The following ZSCAN25 variants were observed in gnomAD, a reference collection of about 807,000 sequenced individuals.
ZSCAN25 encodes the protein zinc finger and SCAN domain containing 25.
ZSCAN25 carries 27 observed loss-of-function variants against 38.7 expected under a neutral mutation model. The ratio of observed to expected loss-of-function variants is 0.70; its 90% CI spans 0.51 to 0.96. The LOEUF is 0.96. Ranked by LOEUF, ZSCAN25 falls within the 40% of genes least tolerant of loss-of-function variation. ZSCAN25 has a pLI of 0.00. For synonymous variants in ZSCAN25, 273 were observed against 277.7 expected (o/e 0.98, Z 0.17); for missense variants, 637 against 705.9 (o/e 0.90, Z 1.11).
intron 6 of ZSCAN25, among the ~76,000 whole-genome samples, chr7:99,623,076 G>A (rs1400128760): frequency 6.6e-6 from 1 of 152,160 alleles, no homozygotes; most frequent in Non-Finnish European, 1.5e-5. Context: ...AAAGTGCTGG[G>A]ATTACAGGCA....
Position 99,631,858 on chromosome 7 carries a change from C to G in ZSCAN25, c.*1838C>G, listed in dbSNP as rs961925801. 3 of 985,326 alleles carry G rather than the reference C, an allele frequency of 3.0e-6. No homozygotes were observed. The highest frequency in any genetic ancestry group is 2.4e-6 in the Non-Finnish European group (2 of 829,976). The allele number at this position is 985,326 out of a possible 1,614,324, so 61.0% of individuals were successfully genotyped here. ...ATGTCCACACGGGGCTGCTGCTGCT[C>G]CTCTGTAATACTGAGGTCCACATGC... On this transcript the variant is annotated 3_prime_UTR_variant, in exon 8 of 8. Transcript: ENST00000394152.
the ZSCAN25 span, among the ~76,000 whole-genome samples, chr7:99,646,891 A>G: frequency 6.7e-6 from 1 of 150,150 alleles, no homozygotes; most frequent in Non-Finnish European, 1.5e-5. Flanking sequence ...TCTATCAACT[A>G]TCTATTATCT....
intron 7 of ZSCAN25, among the ~76,000 whole-genome samples, chr7:99,627,674 A>G (rs1423115018): frequency 6.6e-6 from 1 of 151,896 alleles, no homozygotes; most frequent in Non-Finnish European, 1.5e-5. Flanking sequence ...CTATATACGT[A>G]TATCATGTAT....
chr7:99,683,092 TC>T, the ZSCAN25 span, among the ~76,000 whole-genome samples: 1 of 152,230 alleles, frequency 6.6e-6, no homozygotes. Context: ...AAATATCATT[TC>T]CAAACATTAC....
the ZSCAN25 span, chr7:99,659,191 C>T: frequency 6.6e-6 from 1 of 152,272 alleles, no homozygotes; most frequent in East Asian, 1.9e-4. Flanking sequence ...TGCTGTTTTT[C>T]CCCCATCTTT....
chr7:99,625,386 T>C (rs1433158932), intron 7 of ZSCAN25, among the ~76,000 whole-genome samples: 1 of 152,132 alleles, frequency 6.6e-6, no homozygotes, highest in African/African-American at 2.4e-5. Context: ...TTCTGGTCAC[T>C]ATGAAGAGTT....
chr7:99,724,095 C>G, the ZSCAN25 span, among the ~76,000 whole-genome samples: 7 of 152,150 alleles, frequency 4.6e-5, no homozygotes, highest in African/African-American at 1.2e-4. Flanking sequence ...GTACCATCTC[C>G]CCTCTCTCCA....
chr7:99,703,782 A>G, the ZSCAN25 span, among the ~76,000 whole-genome samples: 2 of 151,954 alleles, frequency 1.3e-5, no homozygotes, highest in East Asian at 1.9e-4. Context: ...CTGACCTCAC[A>G]TGGGTTCTCC....
At chr7:99,682,796 C>G in the ZSCAN25 span, among the ~76,000 whole-genome samples, 1 of 152,054 alleles carries the variant, frequency 6.6e-6, no homozygotes, top group Admixed American at 6.6e-5. Context: ...TCTTCAATTT[C>G]CTTCATCAGT....
At chr7:99,634,518 G>A (rs140605812), downstream of ZSCAN25, among the ~76,000 whole-genome samples, 188 of 152,262 alleles carry the variant, frequency 1.2e-3, 4 homozygotes, top group East Asian at 0.035. Context: ...GGCCAGGCGC[G>A]GTGGCTCACG....
the ZSCAN25 span, among the ~76,000 whole-genome samples, chr7:99,718,800 G>T: frequency 0.94 from 143,248 of 152,302 alleles, 67,965 homozygotes; most frequent in East Asian, 1. Flanking sequence ...AAGTCAGCTC[G>T]GCAAGGTTCT....
At chr7:99,720,159 A>G in the ZSCAN25 span, among the ~76,000 whole-genome samples, 1 of 152,212 alleles carries the variant, frequency 6.6e-6, no homozygotes, top group African/African-American at 2.4e-5. Context: ...GTTATGCAAG[A>G]TTGCAAGATG....
the ZSCAN25 span, among the ~76,000 whole-genome samples, chr7:99,656,005 T>A: frequency 6.6e-6 from 1 of 152,236 alleles, no homozygotes; most frequent in African/African-American, 2.4e-5. Context: ...TTTCTAGATA[T>A]ACAATCATGT....
the ZSCAN25 span, among the ~76,000 whole-genome samples, chr7:99,686,018 C>CG: frequency 6.6e-6 from 1 of 152,160 alleles, no homozygotes; most frequent in African/African-American, 2.4e-5. Flanking sequence ...AGCCAAAACT[C>CG]GGGGGGTGGA....
At chr7:99,728,883 C>T in the ZSCAN25 span, among the ~76,000 whole-genome samples, 1 of 152,034 alleles carries the variant, frequency 6.6e-6, no homozygotes, top group Non-Finnish European at 1.5e-5. Flanking sequence ...ACATCACAAA[C>T]TTTATCAGTC....
chr7:99,671,675 G>A, the ZSCAN25 span: 1 of 605,194 alleles, frequency 1.7e-6, no homozygotes. Flanking sequence ...GCTAAGCAAA[G>A]GATTTTCAGA....
In ZSCAN25 at chr7:99,630,841, C is replaced by T. The variant is rs1013671108; in HGVS notation, c.*821C>T. ...TTGCTATTGATCACTGAATAAACAT[C>T]AGAGTATTTTAAAAAACAGTTCTCT... On this transcript the variant is annotated 3_prime_UTR_variant, in exon 8 of 8. Transcript: ENST00000394152. 1.0e-6 allele frequency: 1 copy of T among 985,048 alleles called. No homozygotes were observed. The highest frequency in any genetic ancestry group is 4.7e-5 in the South Asian group (1 of 21,288). The allele number at this position is 985,048 out of a possible 1,614,324, so 61.0% of individuals were successfully genotyped here.
intron 6 of ZSCAN25, among the ~76,000 whole-genome samples, chr7:99,623,375 A>C (rs1337488366): frequency 6.6e-6 from 1 of 152,212 alleles, no homozygotes; most frequent in African/African-American, 2.4e-5. Flanking sequence ...CATCTGCCAC[A>C]AATGAGGTAA....
intron 7 of ZSCAN25, among the ~76,000 whole-genome samples, chr7:99,625,453 A>G (rs1482091785): frequency 6.6e-6 from 1 of 152,212 alleles, no homozygotes; most frequent in Non-Finnish European, 1.5e-5. Flanking sequence ...GGCCATGTGC[A>G]TGTAATAGTG....
Sources: allele counts gnomAD v4.1 joint callset (sites outside exome capture counted in the v4.1 genomes callset), GRCh38; gene constraint gnomAD v4.1.1; transcripts MANE v1.5; gene names NCBI Gene and HGNC (gene_info 2026-07-23, HGNC 2026-07-21).